The following CPEB3 variants were observed in gnomAD, a reference collection of about 807,000 sequenced individuals.
CPEB3 encodes the protein cytoplasmic polyadenylation element-binding protein 3.
Under a neutral mutation model 67.2 loss-of-function variants are expected in CPEB3, and 20 were observed. That is an observed-to-expected ratio of 0.30 (90% CI 0.21 to 0.43). The LOEUF (loss-of-function observed/expected upper bound fraction) is 0.43. Ranked by LOEUF, CPEB3 falls within the 20% of genes least tolerant of loss-of-function variation. The pLI, the probability that CPEB3 is intolerant of heterozygous loss-of-function variation, is 1.00. For synonymous variants in CPEB3, 376 were observed against 393.1 expected, an observed-to-expected ratio of 0.96 and a Z score of 0.51; for missense variants, 746 against 968.6, an observed-to-expected ratio of 0.77 and a Z score of 3.05.
intron 3 of CPEB3, among the ~76,000 whole-genome samples, chr10:92,185,997 G>C (rs552159594): frequency 6.6e-6 from 1 of 151,842 alleles, no homozygotes; most frequent in African/African-American, 2.4e-5. Flanking sequence ...TACTAATAGC[G>C]GGTAATTTTT....
intron 9 of CPEB3, among the ~76,000 whole-genome samples, chr10:92,060,949 G>C (rs1315927018): frequency 1.3e-5 from 2 of 152,224 alleles, no homozygotes; most frequent in African/African-American, 4.8e-5. Flanking sequence ...ACGGAGAACA[G>C]TTTGGAGTTT....
At chr10:92,137,776 A>G in intron 6 of CPEB3, 1 of 273,340 alleles carries the variant, frequency 3.7e-6, no homozygotes, top group Non-Finnish European at 6.9e-6. Flanking sequence ...AGGTGGGCGG[A>G]TCACAAGGTC....
intron 1 of CPEB3, among the ~76,000 whole-genome samples, chr10:92,267,639 GTTA>G (rs746776460): frequency 1.3e-5 from 2 of 152,170 alleles, no homozygotes; most frequent in Non-Finnish European, 2.9e-5. Flanking sequence ...TAGGAGATTG[GTTA>G]TTATATTATC....
At chr10:92,265,110 C>T (rs945884554) in intron 1 of CPEB3, among the ~76,000 whole-genome samples, 1 of 149,710 alleles carries the variant, frequency 6.7e-6, no homozygotes, top group South Asian at 2.1e-4. Context: ...TGCAGTGAGC[C>T]GATCCTGACA....
chr10:92,114,318 G>C (rs1437037624), intron 6 of CPEB3, among the ~76,000 whole-genome samples: 1 of 152,188 alleles, frequency 6.6e-6, no homozygotes, highest in Non-Finnish European at 1.5e-5. Flanking sequence ...AAATCAGGAA[G>C]AATCTTTCGA....
chr10:92,111,012 G>A (rs1844712640), intron 7 of CPEB3, 64 bp downstream of exon 7: 1 of 1,097,362 alleles, frequency 9.1e-7, no homozygotes, highest in Non-Finnish European at 1.4e-6. Context: ...TCAGAAAGAG[G>A]AGGTCAGCTA....
chr10:92,258,102 C>CT (rs1171525134), intron 1 of CPEB3, among the ~76,000 whole-genome samples: 97 of 141,698 alleles, frequency 6.8e-4, no homozygotes, highest in Admixed American at 7.1e-4. Context: ...TTTTTCTTTC[C>CT]TTTTTTTTTT....
intron 9 of CPEB3, among the ~76,000 whole-genome samples, chr10:92,077,902 G>A (rs910622696): frequency 2.0e-5 from 3 of 151,978 alleles, no homozygotes; most frequent in Non-Finnish European, 4.4e-5. Context: ...AGGGGAAAAA[G>A]GGAGAGTAGG....
At chr10:92,107,650 A>G (rs753149973) in intron 7 of CPEB3, among the ~76,000 whole-genome samples, 34 of 152,266 alleles carry the variant, frequency 2.2e-4, no homozygotes, top group Non-Finnish European at 4.1e-4. Flanking sequence ...ACCCTTGCAC[A>G]TGGACACAGC....
chr10:92,200,077 A>C (rs558312051), intron 2 of CPEB3, among the ~76,000 whole-genome samples: 127 of 152,262 alleles, frequency 8.3e-4, no homozygotes, highest in South Asian at 1.7e-3. Flanking sequence ...TGGCAAGCAA[A>C]TGCTCCTTAT....
At position 92,159,915 on chromosome 10, in the gene CPEB3, C is replaced by T. The variant is rs189118455; in HGVS notation, c.1223-14830G>A. Among the ~76,000 whole-genome samples the T allele has an allele frequency of 4.2e-4, 64 of 152,032 alleles. 2 individuals carry two copies. In the East Asian group the frequency reaches 9.7e-3, roughly 23 times the overall value. On this transcript the variant is annotated intron_variant, in intron 4 of 9. Coordinates refer to ENST00000265997, the MANE Select transcript of CPEB3 (RefSeq NM_014912.5). Reference sequence around the variant, plus strand: ...AGCTCTATTTTTTTCCCTGATTCCTCCTGTACTACAAACCTCAATGAAAAA... The same window carrying T: ...AGCTCTATTTTTTTCCCTGATTCCTTCTGTACTACAAACCTCAATGAAAAA...
intron 4 of CPEB3, among the ~76,000 whole-genome samples, chr10:92,157,813 G>C (rs574608620): frequency 6.6e-6 from 1 of 152,120 alleles, no homozygotes; most frequent in Admixed American, 6.5e-5. Context: ...ACTTTAAGGA[G>C]AAATAGTCTT....
At chr10:92,242,736 C>T (rs1851903234) in intron 1 of CPEB3, among the ~76,000 whole-genome samples, 2 of 152,078 alleles carry the variant, frequency 1.3e-5, no homozygotes, top group South Asian at 2.1e-4. Flanking sequence ...AAGCTGGACT[C>T]AGAACATTTT....
At chr10:92,099,149 CT>C (rs1464450229) in intron 7 of CPEB3, among the ~76,000 whole-genome samples, 1 of 151,254 alleles carries the variant, frequency 6.6e-6, no homozygotes, top group Non-Finnish European at 1.5e-5. Context: ...CTACTTAAAA[CT>C]AAAGGTCATT....
Position 92,052,291 on chromosome 10 carries a change from C to CG in CPEB3, c.2017dup (p.Arg673ProfsTer39). 6.2e-7 allele frequency: 1 copy of CG among 1,614,162 alleles called. No homozygotes were observed. The highest frequency in any genetic ancestry group is 8.5e-7 in the Non-Finnish European group (1 of 1,180,036). On this transcript the variant is annotated frameshift_variant, in exon 10 of 10. Transcript: ENST00000265997. LOFTEE classifies it high-confidence loss of function. ...CGGTTTGTGGAACTCCCGCCCGGCT[C>CG]GGGAATGTATGCTCGCCCAGCAGTA...
At chr10:92,102,391 G>T (rs1234806440) in intron 7 of CPEB3, among the ~76,000 whole-genome samples, 1 of 152,154 alleles carries the variant, frequency 6.6e-6, no homozygotes, top group Non-Finnish European at 1.5e-5. Context: ...TAGACAGGGA[G>T]CCAAAAGTAA....
At chr10:92,053,544 CTTT>C (rs774865830) in intron 9 of CPEB3, among the ~76,000 whole-genome samples, 4 of 108,056 alleles carry the variant, frequency 3.7e-5, no homozygotes, top group African/African-American at 3.9e-5. Flanking sequence ...TTTTCTTTTT[CTTT>C]TTTTTTTTTT....
At chr10:92,286,864 A>C (rs1842553608) in intron 1 of CPEB3, among the ~76,000 whole-genome samples, 1 of 152,158 alleles carries the variant, frequency 6.6e-6, no homozygotes, top group Admixed American at 6.6e-5. Flanking sequence ...GTGGTATATT[A>C]TTTTAAATTT....
chr10:92,086,089 G>C (rs1477027261), intron 8 of CPEB3, among the ~76,000 whole-genome samples: 1 of 152,178 alleles, frequency 6.6e-6, no homozygotes, highest in East Asian at 1.9e-4. Context: ...AAACGAGATA[G>C]AGTAGAAATG....
Sources: allele counts gnomAD v4.1 joint callset (sites outside exome capture counted in the v4.1 genomes callset), GRCh38; gene constraint gnomAD v4.1.1; transcripts MANE v1.5; gene names NCBI Gene and HGNC (gene_info 2026-07-23, HGNC 2026-07-21).